Variants in NRG1 observed in about 807,000 individuals in gnomAD.
NRG1 encodes the protein neuregulin 1.
NRG1 carries 18 observed loss-of-function variants against 63.8 expected under a neutral mutation model. The ratio of observed to expected loss-of-function variants is 0.28; its 90% CI spans 0.19 to 0.42. The LOEUF is 0.42. Ranked by LOEUF, NRG1 falls within the 10% of genes least tolerant of loss-of-function variation. The pLI, the probability that NRG1 is intolerant of heterozygous loss-of-function variation, is 1.00. For missense variants in NRG1, 762 were observed against 814.7 expected (o/e 0.94, Z 0.79); for synonymous variants, 302 against 301.3 (o/e 1.00, Z -0.02).
chr8:32,261,358 A>AGTGTGT (rs3055547), intron 1 of NRG1, among the ~76,000 whole-genome samples: 11,025 of 148,266 alleles, frequency 0.074, 477 homozygotes, highest in Middle Eastern at 0.11. Flanking sequence ...TGCTCCTATT[A>AGTGTGT]GTGTGTGTGT....
At chr8:32,608,519 C>G (rs1845751662) in intron 3 of NRG1, among the ~76,000 whole-genome samples, 1 of 151,988 alleles carries the variant, frequency 6.6e-6, no homozygotes, top group African/African-American at 2.4e-5. Context: ...CTGTATCTGA[C>G]TATATGCTTG....
chr8:31,735,836 C>T (rs1221881524), intron 1 of NRG1, among the ~76,000 whole-genome samples: 1 of 152,200 alleles, frequency 6.6e-6, no homozygotes. Flanking sequence ...TTCTCTTTCT[C>T]TTACACCTCA....
At chr8:32,725,419 A>C (rs989802968) in intron 5 of NRG1, among the ~76,000 whole-genome samples, 1 of 150,852 alleles carries the variant, frequency 6.6e-6, no homozygotes, top group African/African-American at 2.4e-5. Context: ...CAGCAGTTGA[A>C]AGCCTTTCAG....
chr8:32,098,995 C>A (rs551388805), intron 1 of NRG1, among the ~76,000 whole-genome samples: 61 of 152,184 alleles, frequency 4.0e-4, no homozygotes, highest in African/African-American at 1.4e-3. Flanking sequence ...CTATCTGGGG[C>A]CAGTGGCACA....
At chr8:32,515,218 T>C (rs1298127358) in intron 1 of NRG1, among the ~76,000 whole-genome samples, 1 of 152,178 alleles carries the variant, frequency 6.6e-6, no homozygotes. Flanking sequence ...GCTGAACTAA[T>C]TTAGATTCCC....
intron 1 of NRG1, among the ~76,000 whole-genome samples, chr8:32,215,314 C>G (rs1845101400): frequency 6.6e-6 from 1 of 152,176 alleles, no homozygotes; most frequent in South Asian, 2.1e-4. Context: ...TATAGCTCCT[C>G]TTGCTTACAG....
intron 1 of NRG1, among the ~76,000 whole-genome samples, chr8:31,764,917 G>A (rs1319833687): frequency 8.2e-6 from 1 of 121,424 alleles, no homozygotes; most frequent in Non-Finnish European, 1.6e-5. Flanking sequence ...GGTCCCCAGA[G>A]TGTGATATTC....
intron 5 of NRG1, 55 bp downstream of exon 5, chr8:32,616,940 T>C: frequency 2.3e-6 from 3 of 1,278,440 alleles, no homozygotes; most frequent in Non-Finnish European, 3.4e-6. Context: ...CACTATCTGC[T>C]TTGGAAGGTC....
intron 1 of NRG1, among the ~76,000 whole-genome samples, chr8:31,904,164 G>T (rs1563547709): frequency 6.6e-6 from 1 of 152,074 alleles, no homozygotes; most frequent in Non-Finnish European, 1.5e-5. Context: ...GGCCATATCA[G>T]TGCCCTCCGA....
intron 1 of NRG1, among the ~76,000 whole-genome samples, chr8:31,778,822 A>T (rs1035724748): frequency 6.6e-6 from 1 of 152,196 alleles, no homozygotes; most frequent in African/African-American, 2.4e-5. Context: ...ACTACCCCTA[A>T]AACAGTGCAT....
At chr8:31,650,641 C>T (rs910395396) in intron 1 of NRG1, among the ~76,000 whole-genome samples, 4 of 152,218 alleles carry the variant, frequency 2.6e-5, no homozygotes, top group Non-Finnish European at 4.4e-5. Context: ...CAGAGCTCCT[C>T]TTTCCTGTGT....
intron 1 of NRG1, among the ~76,000 whole-genome samples, chr8:31,723,811 TTGAG>T (rs1813156966): frequency 6.6e-6 from 1 of 152,118 alleles, no homozygotes; most frequent in Non-Finnish European, 1.5e-5. Context: ...CCTACTTGGA[TTGAG>T]TGAGCATTCG....
intron 1 of NRG1, among the ~76,000 whole-genome samples, chr8:32,037,778 T>C (rs1454918088): frequency 6.6e-6 from 1 of 152,158 alleles, no homozygotes; most frequent in African/African-American, 2.4e-5. Flanking sequence ...CGCTGGCACC[T>C]GCAGCAGGGA....
At chr8:32,003,451 C>T (rs534727169) in intron 1 of NRG1, among the ~76,000 whole-genome samples, 1 of 152,044 alleles carries the variant, frequency 6.6e-6, no homozygotes, top group Admixed American at 6.6e-5. Context: ...TTTATCTTAA[C>T]AAATTCAAAA....
At chr8:32,456,464 A>G (rs559401056) in intron 1 of NRG1, among the ~76,000 whole-genome samples, 2 of 152,348 alleles carry the variant, frequency 1.3e-5, no homozygotes, top group East Asian at 1.9e-4. Flanking sequence ...GCCACCCATG[A>G]GAGAGCAAGA....
chr8:31,952,719 T>G (rs150188427), intron 1 of NRG1, among the ~76,000 whole-genome samples: 78 of 152,362 alleles, frequency 5.1e-4, no homozygotes, highest in African/African-American at 1.8e-3. Context: ...AGGTGGCTGG[T>G]ACATTCCTGG....
chr8:32,269,444 T>G (rs1851321931), intron 1 of NRG1, among the ~76,000 whole-genome samples: 2 of 152,172 alleles, frequency 1.3e-5, no homozygotes, highest in South Asian at 4.1e-4. Context: ...CTTATTAACC[T>G]ATTGGTGACG....
intron 1 of NRG1, among the ~76,000 whole-genome samples, chr8:31,828,839 CA>C (rs1430659919): frequency 6.6e-6 from 1 of 152,210 alleles, no homozygotes; most frequent in Non-Finnish European, 1.5e-5. Context: ...GGCTATCTTG[CA>C]GATGAATTCT....
chr8:31,705,911 G>A (rs1470215222), intron 1 of NRG1, among the ~76,000 whole-genome samples: 3 of 152,158 alleles, frequency 2.0e-5, no homozygotes, highest in Non-Finnish European at 4.4e-5. Context: ...TGGGAACAAT[G>A]GCCATGTGAT....
Sources: gnomAD v4.1 joint callset for allele counts (sites outside exome capture counted in the v4.1 genomes callset) on GRCh38, gnomAD v4.1.1 for gene constraint, MANE v1.5 for transcripts, NCBI Gene and HGNC (gene_info 2026-07-23, HGNC 2026-07-21) for gene names.